Variants in ACKR2 observed in about 807,000 individuals in gnomAD.
The protein encoded by ACKR2 is atypical chemokine receptor 2.
For missense variants in ACKR2, 457 were observed against 477.3 expected, an observed-to-expected ratio of 0.96 and a Z score of 0.40; for synonymous variants, 207 against 192.2, an observed-to-expected ratio of 1.08 and a Z score of -0.64.
intron 2 of ACKR2, among the ~76,000 whole-genome samples, chr3:42,857,683 A>G (rs547233493): frequency 1.3e-5 from 2 of 152,376 alleles, no homozygotes; most frequent in South Asian, 4.1e-4. Flanking sequence ...TGTTTAAAAT[A>G]TTAAATATTT....
intron 2 of ACKR2, among the ~76,000 whole-genome samples, chr3:42,827,375 A>T (rs1412566919): frequency 1.3e-5 from 2 of 152,238 alleles, no homozygotes; most frequent in Non-Finnish European, 2.9e-5. Context: ...GCCAACACCT[A>T]TAACTGTATT....
Position 42,865,972 on chromosome 3 carries a change from TTTCC to T in ACKR2, c.*327_*330del. ...CCTTCCTCCTTTCCTCCCTTCCTAC[TTTCC>T]TTCCTTCCTTCTGACAGGGTCTTGC... is the stretch of plus-strand genomic sequence containing the variant. On this transcript the variant is annotated 3_prime_UTR_variant, in exon 3 of 3. Transcript: ENST00000422265. 4 of 284,784 alleles carry T rather than the reference TTTCC, an allele frequency of 1.4e-5. No individual in the cohort carries two copies. The highest frequency in any genetic ancestry group is 2.0e-5 in the Non-Finnish European group (3 of 152,544). The allele number at this position is 284,784 out of a possible 1,614,324, so 17.6% of individuals were successfully genotyped here.
chr3:42,855,212 A>G (rs1368623243), intron 2 of ACKR2, among the ~76,000 whole-genome samples: 1 of 152,168 alleles, frequency 6.6e-6, no homozygotes, highest in African/African-American at 2.4e-5. Context: ...AGAGCAGAAC[A>G]GAGGCTAAGG....
Position 42,809,982 on chromosome 3 carries a change from A to G in ACKR2, c.-119+450A>G, listed in dbSNP as rs1444341108. ...GAGAATGAGGGTATGACAGATAGAC[A>G]GGAGGGTAAGACAGGTTGGTTAGAA... On this transcript the variant is annotated intron_variant, in intron 1 of 2. Transcript: ENST00000422265. Among the ~76,000 whole-genome samples, 45 of 152,162 alleles carry G rather than the reference A, an allele frequency of 3.0e-4. 1 individual carries two copies.
chr3:42,827,654 C>A (rs564430605), intron 2 of ACKR2, among the ~76,000 whole-genome samples: 1 of 152,134 alleles, frequency 6.6e-6, no homozygotes, highest in East Asian at 1.9e-4. Flanking sequence ...AAGAGATCTA[C>A]GAGATACCAA....
Position 42,864,461 on chromosome 3 carries a change from C to A in ACKR2, c.-37-5C>A, listed in dbSNP as rs776445860. 1.3e-6 allele frequency: 2 copies of A among 1,543,468 alleles called. No individual in the cohort carries two copies. Among genetic ancestry groups the A allele is most frequent in the South Asian group, 1.3e-5 (1 of 78,654 alleles). On this transcript the variant is annotated splice_polypyrimidine_tract_variant and splice_region_variant and intron_variant, in intron 2 of 2. Coordinates refer to ENST00000422265, the MANE Select transcript of ACKR2 (RefSeq NM_001296.5). ...GCTAGGTCTCACCATATTTTCCCCC[C>A]GCAGCACTACAGGACGTCGGGACTG...
intron 2 of ACKR2, among the ~76,000 whole-genome samples, chr3:42,858,696 G>C (rs141461826): frequency 0.012 from 1,758 of 152,102 alleles, 41 homozygotes; most frequent in African/African-American, 0.04. Context: ...ACAGAACTAG[G>C]CTTCAGAAGG....
At chr3:42,825,283 G>A (rs969812719) in intron 2 of ACKR2, among the ~76,000 whole-genome samples, 4 of 152,096 alleles carry the variant, frequency 2.6e-5, no homozygotes, top group Non-Finnish European at 4.4e-5. Flanking sequence ...TGAATCTGTA[G>A]ATCAATGAAG....
intron 2 of ACKR2, among the ~76,000 whole-genome samples, chr3:42,853,739 A>G (rs1701188145): frequency 6.6e-6 from 1 of 152,238 alleles, no homozygotes; most frequent in Non-Finnish European, 1.5e-5. Flanking sequence ...ATTTACTTCT[A>G]TCAGGTAAAT....
intron 2 of ACKR2, among the ~76,000 whole-genome samples, chr3:42,857,506 G>T (rs531288012): frequency 6.6e-6 from 1 of 152,166 alleles, no homozygotes; most frequent in Non-Finnish European, 1.5e-5. Flanking sequence ...AAAGTGCTCT[G>T]CATGTATTAT....
Position 42,864,888 on chromosome 3 carries a change from A to C in ACKR2, c.386A>C (p.Tyr129Ser). Residue 129 changes from tyrosine to serine, a missense_variant, in exon 3 of 3, where the codon TAC (tyrosine) becomes TCC (serine). Coordinates refer to ENST00000422265, the MANE Select transcript of ACKR2 (RefSeq NM_001296.5). ...MVSTLYTINF[Y>S]SGIFFISCMS... ...AGCACTCTTTATACTATTAACTTTT[A>C]CAGTGGCATCTTTTTCATTAGCTGC... 1 of 1,614,106 alleles carries C rather than the reference A, an allele frequency of 6.2e-7. No homozygotes were observed. The highest frequency in any genetic ancestry group is 2.2e-5 in the East Asian group (1 of 44,864).
intron 2 of ACKR2, among the ~76,000 whole-genome samples, chr3:42,826,582 C>T (rs10433605): frequency 0.29 from 44,362 of 151,716 alleles, 7,248 homozygotes; most frequent in East Asian, 0.59. Context: ...TATAGTGATT[C>T]TCTCTCTTTT....
intron 2 of ACKR2, among the ~76,000 whole-genome samples, chr3:42,820,088 T>C (rs1700794669): frequency 6.6e-6 from 1 of 152,238 alleles, no homozygotes; most frequent in South Asian, 2.1e-4. Flanking sequence ...TTTATCTTGA[T>C]TGCATAATAA....
intron 2 of ACKR2, chr3:42,856,485 A>T (rs779189442): frequency 2.9e-6 from 2 of 694,238 alleles, no homozygotes; most frequent in South Asian, 3.0e-5. Context: ...AAAAAAGGGG[A>T]TAAAACTTTT....
rs187789352 is a variant in ACKR2, at chr3:42,834,320, A to G, written c.-38+14609A>G. Among the ~76,000 whole-genome samples the G allele has an allele frequency of 1.2e-4, 19 of 152,214 alleles. No individual in the cohort carries two copies. In the East Asian group the frequency reaches 1.5e-3, roughly 12 times the overall value. On this transcript the variant is annotated intron_variant, in intron 2 of 2. Transcript: ENST00000422265. ...CAATGATCTTTGATGTTACTATGCA[A>G]TTGTTTTGGGTGTCCATATAAGACG... is the stretch of plus-strand genomic sequence containing the variant.
At chr3:42,822,365 CAT>C (rs1182975111) in intron 2 of ACKR2, among the ~76,000 whole-genome samples, 1 of 152,152 alleles carries the variant, frequency 6.6e-6, no homozygotes, top group Non-Finnish European at 1.5e-5. Flanking sequence ...TTTAAGTTCA[CAT>C]GTCACTACCT....
At chr3:42,851,362 C>T (rs976324834) in intron 2 of ACKR2, 9 of 985,326 alleles carry the variant, frequency 9.1e-6, no homozygotes, top group Non-Finnish European at 1.1e-5. Context: ...GAATTACACT[C>T]TGTCTGCACT....
At chr3:42,835,056 T>C (rs890506303) in intron 2 of ACKR2, among the ~76,000 whole-genome samples, 8 of 152,068 alleles carry the variant, frequency 5.3e-5, no homozygotes, top group Non-Finnish European at 1.0e-4. Flanking sequence ...TGGCTAATTT[T>C]TGCACTTTTT....
chr3:42,820,797 C>T (rs563265495), intron 2 of ACKR2, among the ~76,000 whole-genome samples: 31 of 149,138 alleles, frequency 2.1e-4, no homozygotes, highest in Non-Finnish European at 3.7e-4. Flanking sequence ...AGAAGGAAAT[C>T]ACAAGGCAGT....
Sources: allele counts gnomAD v4.1 joint callset (sites outside exome capture counted in the v4.1 genomes callset), GRCh38; gene constraint gnomAD v4.1.1; transcripts MANE v1.5; gene names NCBI Gene and HGNC (gene_info 2026-07-23, HGNC 2026-07-21).